The following RTKN variants were observed in gnomAD, a reference collection of about 807,000 sequenced individuals.
RTKN encodes rhotekin.
A neutral mutation model predicts 63.5 loss-of-function variants in RTKN; 49 were observed. That is an observed-to-expected ratio of 0.77 (90% confidence interval 0.61 to 0.98). The LOEUF (loss-of-function observed/expected upper bound fraction) is 0.98. Ranked by LOEUF, RTKN falls within the 50% of genes least tolerant of loss-of-function variation. The probability of loss-of-function intolerance (pLI) is 0.00; values close to 1 mark genes in which losing one functional copy is unlikely to be tolerated. For synonymous variants in RTKN, 295 were observed against 290.4 expected, an observed-to-expected ratio of 1.02 and a Z score of -0.16; for missense variants, 685 against 740.8, an observed-to-expected ratio of 0.92 and a Z score of 0.87.
rs764428393 is a variant in RTKN at position 74,426,475 on chromosome 2, G to T, written c.1460C>A (p.Thr487Lys). Residue 487 changes from threonine to lysine, a missense_variant, in exon 12 of 12, where the codon ACA (threonine) becomes AAA (lysine). By Grantham distance (78) the Thr-to-Lys change is moderately conservative (BLOSUM62 -1). Transcript: ENST00000272430. The part of the protein sequence containing the change: ...ETPPPWLAMF[T>K]DQPALPNPCS... Reference sequence around the variant, plus strand: ...GGGGTTAGGCAGGGCAGGCTGGTCTGTAAACATTGCCAGCCAGGGTGGGGG... The same window carrying T: ...GGGGTTAGGCAGGGCAGGCTGGTCTTTAAACATTGCCAGCCAGGGTGGGGG... 3 of 1,605,154 alleles carry T rather than the reference G, an allele frequency of 1.9e-6. No individual in the cohort carries two copies. Among genetic ancestry groups the T allele is most frequent in the Non-Finnish European group, 2.6e-6 (3 of 1,174,438 alleles).
Position 74,426,564 on chromosome 2 carries a change from C to T in RTKN, c.1371G>A (p.Pro457=), listed in dbSNP as rs371137569. 1.3e-5 allele frequency: 20 copies of T among 1,528,202 alleles called. No individual in the cohort carries two copies. The highest frequency in any genetic ancestry group is 6.4e-5 in the South Asian group (5 of 77,852). The allele number at this position is 1,528,202 out of a possible 1,614,324, so 94.7% of individuals were successfully genotyped here. A position where few individuals can be genotyped will look rare whatever the true frequency, so the allele number is the denominator to read the frequency against. ...GSLYHEMAIE[P]LDDIAAVTDI... ...CTGTCACCGCTGCGATGTCATCCAG[C>T]GGCTCAATAGCTGTGGCACCAGGAA... The change falls in exon 12 of 12, where the codon CCG becomes CCA. Residue 457 remains proline, a synonymous_variant. Coordinates refer to ENST00000272430, the MANE Select transcript of RTKN (RefSeq NM_001015055.2).
At position 74,426,266 on chromosome 2, in the gene RTKN, T is replaced by A; in HGVS notation, c.1669A>T (p.Thr557Ser). ...TCTCACACTGGTGACTGGAGCCAAGTGCGAGGTTGGCCTTTGCTGCAGAGG... is the reference window on the plus strand; with the variant it reads ...TCTCACACTGGTGACTGGAGCCAAGAGCGAGGTTGGCCTTTGCTGCAGAGG... ...RGLCSKGQPR[T>S]WLQSPV The change falls in exon 12 of 12, where the codon ACT becomes TCT. Residue 557 changes from threonine to serine, a missense_variant. Coordinates refer to ENST00000272430, the MANE Select transcript of RTKN (RefSeq NM_001015055.2). 6.2e-7 allele frequency: 1 copy of A among 1,614,090 alleles called. No homozygotes were observed. The highest frequency in any genetic ancestry group is 8.5e-7 in the Non-Finnish European group (1 of 1,179,978).
chr2:74,435,855 T>C (rs1671025370), intron 1 of RTKN, among the ~76,000 whole-genome samples: 1 of 152,218 alleles, frequency 6.6e-6, no homozygotes, highest in Non-Finnish European at 1.5e-5. Flanking sequence ...AAAAGCCTTG[T>C]CCTGCCTGCC....
chr2:74,431,961 C>A (rs138387008), intron 2 of RTKN: 1 of 215,976 alleles, frequency 4.6e-6, no homozygotes, highest in Non-Finnish European at 9.4e-6. Context: ...TTACATTTTA[C>A]ATCCAGAAGC....
At chr2:74,434,887 G>A (rs1670970360) in intron 1 of RTKN, among the ~76,000 whole-genome samples, 1 of 152,158 alleles carries the variant, frequency 6.6e-6, no homozygotes, top group Admixed American at 6.6e-5. Context: ...GTGATTCTGA[G>A]GTACACCCAG....
chr2:74,438,706 C>T (rs575976985), intron 1 of RTKN, among the ~76,000 whole-genome samples: 1 of 152,342 alleles, frequency 6.6e-6, no homozygotes, highest in African/African-American at 2.4e-5. Flanking sequence ...CATATCAGGG[C>T]CTTTGCCCTT....
At position 74,441,786 on chromosome 2, in the gene RTKN, T is replaced by A. The variant is rs769448208; in HGVS notation, c.31A>T (p.Thr11Ser). 6.2e-7 allele frequency: 1 copy of A among 1,611,634 alleles called. No homozygotes were observed. Among genetic ancestry groups the A allele is most frequent in the South Asian group, 1.1e-5 (1 of 90,556 alleles). MFSRNHRSRV[T>S]VARGSALEME... ...TCCAGGGCGGAGCCCCTGGCCACGG[T>A]GACCCGGCTCCGGTGGTTTCGGGAG... Residue 11 changes from threonine (T) to serine (S), a missense_variant, in exon 1 of 12, where the codon ACC (threonine) becomes TCC (serine). By Grantham distance (58) the Thr-to-Ser change is moderately conservative (BLOSUM62 1). Coordinates refer to ENST00000272430, the MANE Select transcript of RTKN (RefSeq NM_001015055.2).
intron 1 of RTKN, among the ~76,000 whole-genome samples, chr2:74,434,508 G>A (rs971390696): frequency 1.3e-5 from 2 of 152,070 alleles, no homozygotes; most frequent in South Asian, 2.1e-4. Context: ...TCAAACTCCC[G>A]ACCTCAGGTG....
intron 2 of RTKN, 21 bp from the exon 3 acceptor site, chr2:74,430,698 C>T: frequency 6.2e-7 from 1 of 1,604,284 alleles, no homozygotes; most frequent in Non-Finnish European, 8.5e-7. Context: ...ATCACAATGT[C>T]CTGGCCTGGC....
Position 74,427,242 on chromosome 2 carries a change from C to G in RTKN, c.1287G>C (p.Met429Ile), listed in dbSNP as rs141388964. 2.5e-6 allele frequency: 4 copies of G among 1,614,088 alleles called. No individual in the cohort carries two copies. Among genetic ancestry groups the G allele is most frequent in the Non-Finnish European group, 3.4e-6 (4 of 1,180,042 alleles). ...SQWKQCCDEI[M>I]KIETPAPRKP... ...TCCGGGGAGCAGGAGTTTCAATTTT[C>G]ATGATTTCATCACAGCACTGCTTCC... Residue 429 changes from methionine (M) to isoleucine (I), a missense_variant, in exon 11 of 12, where the codon ATG becomes ATC. Physicochemically the swap from Met to Ile is conservative, Grantham distance 10. Transcript: ENST00000272430.
intron 1 of RTKN, chr2:74,440,028 C>A: frequency 2.5e-5 from 26 of 1,043,436 alleles, no homozygotes; most frequent in South Asian, 3.4e-5. Context: ...TCCCCAGCCC[C>A]CGCCCACATC....
In RTKN at chr2:74,429,032, A is replaced by C. The variant is rs546924311; in HGVS notation, c.756-90T>G. On this transcript the variant is annotated intron_variant, in intron 6 of 11. Coordinates refer to ENST00000272430, the MANE Select transcript of RTKN (RefSeq NM_001015055.2). ...GCTGAGCAGATCTGCCCCATTGTTC[A>C]GACTGCCCCACAGAAAACTCGCTTG... 1.3e-4 allele frequency: 131 copies of C among 1,033,934 alleles called. No homozygotes were observed. In the South Asian group the frequency reaches 1.7e-3, roughly 13 times the overall value. 64.0% of individuals were successfully genotyped at this position (1,033,934 alleles called of 1,614,324 possible). A position where few individuals can be genotyped will look rare whatever the true frequency, so the allele number is the denominator to read the frequency against.
rs753333941 is a variant in RTKN, at chr2:74,430,204, A to C, written c.545+48T>G. The C allele has an allele frequency of 8.6e-5, 135 of 1,574,896 alleles. No individual in the cohort carries two copies. The highest frequency in any genetic ancestry group is 1.1e-4 in the Non-Finnish European group (128 of 1,144,822). On this transcript the variant is annotated intron_variant, in intron 5 of 11. Transcript: ENST00000272430. ...CTCCCCTGGAACTCGCTCATCCAGAACTGGAGCAGAGTGGAGGAAGGAGGT... is the reference window on the plus strand; with the variant it reads ...CTCCCCTGGAACTCGCTCATCCAGACCTGGAGCAGAGTGGAGGAAGGAGGT...
Position 74,427,485 on chromosome 2 carries a change from T to C in RTKN, c.1194A>G (p.Thr398=), listed in dbSNP as rs772620204. The change falls in exon 10 of 12, where the codon ACA becomes ACG. Residue 398 remains threonine (T), a synonymous_variant. Transcript: ENST00000272430. ...AGCTCTGCAGTGCTTCCCGACTTTCTGTCTGAAGGGTGTGTGTCACCTCAT... is the reference window on the plus strand; with the variant it reads ...AGCTCTGCAGTGCTTCCCGACTTTCCGTCTGAAGGGTGTGTGTCACCTCAT... The part of the protein sequence containing the change: ...GDDEVTHTLQ[T]ESREALQSWM... The C allele has an allele frequency of 1.4e-4, 231 of 1,614,110 alleles. 4 individuals carry two copies. The East Asian group carries it at 5.1e-3, about 35-fold the overall frequency.
intron 1 of RTKN, among the ~76,000 whole-genome samples, chr2:74,434,658 C>T (rs574915065): frequency 6.6e-6 from 1 of 152,332 alleles, no homozygotes; most frequent in East Asian, 1.9e-4. Context: ...TCAAGTGATC[C>T]TCCCACCTCG....
Position 74,426,162 on chromosome 2 carries a change from T to C in RTKN, c.*81A>G, listed in dbSNP as rs996265304. ...GGAGGCCAGACTGGCCAACTTGCTATAGACAGCGCCGTATCCAGAGCCCAA... is the reference window on the plus strand; with the variant it reads ...GGAGGCCAGACTGGCCAACTTGCTACAGACAGCGCCGTATCCAGAGCCCAA... On this transcript the variant is annotated 3_prime_UTR_variant, in exon 12 of 12. Coordinates refer to ENST00000272430, the MANE Select transcript of RTKN (RefSeq NM_001015055.2). The C allele has an allele frequency of 5.3e-6, 7 of 1,309,226 alleles. No homozygotes were observed. Among genetic ancestry groups the C allele is most frequent in the African/African-American group, 2.9e-5 (2 of 68,242 alleles). 81.1% of individuals were successfully genotyped at this position (1,309,226 alleles called of 1,614,324 possible).
At chr2:74,429,330 G>A (rs1670605692) in intron 6 of RTKN, among the ~76,000 whole-genome samples, 1 of 152,208 alleles carries the variant, frequency 6.6e-6, no homozygotes, top group African/African-American at 2.4e-5. Flanking sequence ...GCTTCTCAGA[G>A]TCTCAGTGGT....
chr2:74,441,644 G>A, intron 1 of RTKN, 62 bp downstream of exon 1: 5 of 1,232,388 alleles, frequency 4.1e-6, no homozygotes, highest in East Asian at 2.4e-5. Context: ...GAAGGAGGCC[G>A]AGGTGGCTGG....
In RTKN at chr2:74,428,360, C is replaced by T. The variant is rs1322504265; in HGVS notation, c.994G>A (p.Gly332Arg). The change falls in exon 9 of 12, where the codon GGA becomes AGA. Residue 332 changes from glycine to arginine, a missense_variant. Coordinates refer to ENST00000272430, the MANE Select transcript of RTKN (RefSeq NM_001015055.2). ...GEMQNWAQVHGVLKGTNLFCY... is the reference protein window; with the variant it reads ...GEMQNWAQVHRVLKGTNLFCY... The stretch of plus-strand genomic sequence containing the variant: ...AAGAGGTTTGTGCCTTTCAGAACTC[C>T]ATGCACTTGTGCCCAGTTCTGCATC... 2 of 1,614,174 alleles carry T rather than the reference C, an allele frequency of 1.2e-6. No homozygotes were observed. The highest frequency in any genetic ancestry group is 1.7e-6 in the Non-Finnish European group (2 of 1,180,022).
Sources: allele counts gnomAD v4.1 joint callset (sites outside exome capture counted in the v4.1 genomes callset), GRCh38; gene constraint gnomAD v4.1.1; transcripts MANE v1.5; gene names NCBI Gene and HGNC (gene_info 2026-07-23, HGNC 2026-07-21).